Variants in SGCZ observed in about 807,000 individuals in gnomAD.
The protein encoded by SGCZ is sarcoglycan zeta.
A neutral mutation model predicts 41.3 loss-of-function variants in SGCZ; 40 were observed. The ratio of observed to expected loss-of-function variants is 0.97; its 90% confidence interval spans 0.75 to 1.26. The LOEUF (loss-of-function observed/expected upper bound fraction) is 1.26. Ranked by LOEUF, SGCZ falls within the 50% of genes most tolerant of loss-of-function variation. The pLI, the probability that SGCZ is intolerant of heterozygous loss-of-function variation, is 0.00. For missense variants in SGCZ, 552 were observed against 369.8 expected (o/e 1.49, Z -4.04); for synonymous variants, 206 against 137.5 (o/e 1.50, Z -3.49).
intron 1 of SGCZ, among the ~76,000 whole-genome samples, chr8:14,675,736 T>G (rs1255497420): frequency 6.6e-6 from 1 of 152,110 alleles, no homozygotes; most frequent in Non-Finnish European, 1.5e-5. Context: ...CAACAAAATA[T>G]GTAAAATATC....
chr8:14,762,853 G>C (rs1563252845), intron 1 of SGCZ, among the ~76,000 whole-genome samples: 1 of 152,170 alleles, frequency 6.6e-6, no homozygotes. Context: ...TGATCAGTTA[G>C]TATAACAAGA....
intron 1 of SGCZ, among the ~76,000 whole-genome samples, chr8:15,171,682 T>C (rs1392083972): frequency 6.6e-6 from 1 of 152,256 alleles, no homozygotes; most frequent in African/African-American, 2.4e-5. Context: ...CTTATTAGCA[T>C]GTGAGCCCTT....
chr8:14,733,370 C>T (rs1293561443), intron 1 of SGCZ, among the ~76,000 whole-genome samples: 1 of 152,200 alleles, frequency 6.6e-6, no homozygotes, highest in Non-Finnish European at 1.5e-5. Flanking sequence ...TCCTAACCAA[C>T]CCTAGTACAT....
chr8:14,141,526 A>G (rs1344035699), intron 5 of SGCZ, among the ~76,000 whole-genome samples: 1 of 152,268 alleles, frequency 6.6e-6, no homozygotes, highest in African/African-American at 2.4e-5. Flanking sequence ...GACACTTCTC[A>G]AAAGAAGACA....
rs544301271 is a variant in SGCZ, at chr8:14,762,617, A to C, written c.40-207691T>G. Among the ~76,000 whole-genome samples, 10 of 152,356 alleles carry C rather than the reference A, an allele frequency of 6.6e-5. No individual in the cohort carries two copies. In the South Asian group the frequency reaches 1.2e-3, roughly 19 times the overall value. ...TCTATAACTAGCTCTTGGTCTCATC[A>C]TAAATTCAAAGCAAAATGACAACAT... is the stretch of plus-strand genomic sequence containing the variant. On this transcript the variant is annotated intron_variant, in intron 1 of 7. Transcript: ENST00000382080.
chr8:15,065,744 T>C (rs1805115541), intron 1 of SGCZ, among the ~76,000 whole-genome samples: 1 of 152,080 alleles, frequency 6.6e-6, no homozygotes. Flanking sequence ...GTATTGTAAT[T>C]CTTGAGTCAC....
At chr8:14,491,044 A>T (rs1332661143) in intron 2 of SGCZ, among the ~76,000 whole-genome samples, 2 of 152,292 alleles carry the variant, frequency 1.3e-5, no homozygotes, top group East Asian at 3.9e-4. Context: ...TTATTTTGTT[A>T]TGTTTCCTCA....
intron 2 of SGCZ, among the ~76,000 whole-genome samples, chr8:14,335,459 T>C (rs766456009): frequency 6.6e-6 from 1 of 152,138 alleles, no homozygotes; most frequent in Non-Finnish European, 1.5e-5. Flanking sequence ...CAGATGCTGG[T>C]AATCACCCAT....
At chr8:15,152,943 T>A (rs995788492) in intron 1 of SGCZ, among the ~76,000 whole-genome samples, 3 of 152,060 alleles carry the variant, frequency 2.0e-5, no homozygotes, top group African/African-American at 7.2e-5. Context: ...AGGAAAGGGT[T>A]TTGCAAATTT....
intron 4 of SGCZ, among the ~76,000 whole-genome samples, chr8:14,172,253 A>G (rs1425179456): frequency 1.3e-5 from 2 of 152,158 alleles, no homozygotes; most frequent in Non-Finnish European, 2.9e-5. Flanking sequence ...AATTACTGTA[A>G]TCACCTACAA....
intron 1 of SGCZ, among the ~76,000 whole-genome samples, chr8:14,850,387 A>G (rs1029444706): frequency 1.2e-4 from 18 of 152,196 alleles, no homozygotes; most frequent in African/African-American, 4.3e-4. Flanking sequence ...TGCATACACA[A>G]TACTCAGTAA....
chr8:14,994,510 G>C (rs1010512005), intron 1 of SGCZ, among the ~76,000 whole-genome samples: 65 of 152,138 alleles, frequency 4.3e-4, no homozygotes, highest in African/African-American at 1.5e-3. Flanking sequence ...CTTGAACCCA[G>C]GAGGCGGCGG....
At chr8:14,397,178 T>C (rs1418919285) in intron 2 of SGCZ, among the ~76,000 whole-genome samples, 1 of 152,136 alleles carries the variant, frequency 6.6e-6, no homozygotes, top group East Asian at 1.9e-4. Context: ...TCACTTCACC[T>C]TGAGAGATGT....
chr8:14,334,343 C>A (rs775957150), intron 2 of SGCZ, among the ~76,000 whole-genome samples: 2 of 152,040 alleles, frequency 1.3e-5, no homozygotes, highest in Non-Finnish European at 2.9e-5. Flanking sequence ...TCACAACAAT[C>A]CTGTAAAACT....
rs1182711774 is a variant in SGCZ at position 14,184,358 on chromosome 8, T to A, written c.425-19656A>T. On this transcript the variant is annotated intron_variant, in intron 4 of 7. Coordinates refer to ENST00000382080, the MANE Select transcript of SGCZ (RefSeq NM_139167.4). ...AATTAGAAACCAAGAAGCATTAATT[T>A]ATCTTGAAGTCATATTTAAATGATT... Among the ~76,000 whole-genome samples the A allele has an allele frequency of 4.6e-5, 7 of 152,172 alleles. No individual in the cohort carries two copies. The East Asian group carries it at 1.2e-3, about 25-fold the overall frequency.
intron 1 of SGCZ, among the ~76,000 whole-genome samples, chr8:14,968,204 G>C (rs1240302723): frequency 1.3e-5 from 2 of 152,032 alleles, no homozygotes; most frequent in Non-Finnish European, 2.9e-5. Context: ...ATTTATTCAA[G>C]CAATTTGTGG....
chr8:14,593,748 T>C (rs997355451), intron 1 of SGCZ, among the ~76,000 whole-genome samples: 3 of 152,186 alleles, frequency 2.0e-5, no homozygotes, highest in Admixed American at 6.5e-5. Context: ...ACATTTTACA[T>C]TGGATTGAAT....
intron 3 of SGCZ, among the ~76,000 whole-genome samples, chr8:14,277,427 C>A (rs867684336): frequency 2.4e-4 from 34 of 139,542 alleles, no homozygotes; most frequent in Middle Eastern, 3.5e-3. Flanking sequence ...GTCACTTCCT[C>A]ATTTCTGCTA....
intron 3 of SGCZ, among the ~76,000 whole-genome samples, chr8:14,299,074 A>G (rs1029174458): frequency 6.6e-6 from 1 of 152,016 alleles, no homozygotes; most frequent in Non-Finnish European, 1.5e-5. Flanking sequence ...AAAGTTGCCA[A>G]AGCAATTCAA....
Sources: allele counts gnomAD v4.1 joint callset (sites outside exome capture counted in the v4.1 genomes callset), GRCh38; gene constraint gnomAD v4.1.1; transcripts MANE v1.5; gene names NCBI Gene and HGNC (gene_info 2026-07-23, HGNC 2026-07-21).